Variants in USP25 observed in about 807,000 individuals in gnomAD.
The protein encoded by USP25 is ubiquitin specific peptidase 25, also known as ubiquitin carboxyl-terminal hydrolase 25.
In USP25, 85 loss-of-function variants were observed where a neutral mutation model predicts 158.5. That is an observed-to-expected ratio of 0.54 (90% CI 0.45 to 0.64). The LOEUF (loss-of-function observed/expected upper bound fraction) is 0.64, where lower values mean the gene tolerates loss of function less well. Among genes scored for constraint, USP25 ranks in the 30% least tolerant of loss-of-function variants. The pLI is 0.00. For missense variants in USP25, 1,242 were observed against 1,327.3 expected, an observed-to-expected ratio of 0.94 and a Z score of 1.00; for synonymous variants, 464 against 460.4, an observed-to-expected ratio of 1.01 and a Z score of -0.10.
At chr21:15,750,875 C>T (rs949959673) in intron 1 of USP25, among the ~76,000 whole-genome samples, 9 of 151,106 alleles carry the variant, frequency 6.0e-5, no homozygotes, top group Admixed American at 5.9e-4. Flanking sequence ...GCCTCCGCCT[C>T]CCAAAGTGCT....
chr21:15,758,190 T>C (rs2033508022), intron 1 of USP25, among the ~76,000 whole-genome samples: 1 of 152,196 alleles, frequency 6.6e-6, no homozygotes, highest in East Asian at 1.9e-4. Context: ...CATCCTTCTG[T>C]ACATTAAAGT....
chr21:15,877,676 C>A (rs544765871), intron 24 of USP25, 120 bp from the exon 25 acceptor site: 3 of 699,534 alleles, frequency 4.3e-6, no homozygotes, highest in East Asian at 5.9e-5. Flanking sequence ...CTCTAAATAC[C>A]GTTTGTTCTA....
At chr21:15,731,769 A>C (rs1234447216) in intron 1 of USP25, among the ~76,000 whole-genome samples, 2 of 152,344 alleles carry the variant, frequency 1.3e-5, no homozygotes, top group Non-Finnish European at 2.9e-5. Flanking sequence ...AATTTAAAAG[A>C]GTTTCCTTCC....
In USP25 at chr21:15,766,134, A is replaced by C; in HGVS notation, c.261A>C (p.Ala87=). 20 of 1,588,000 alleles carry C rather than the reference A, an allele frequency of 1.3e-5. No individual in the cohort carries two copies. Among genetic ancestry groups the C allele is most frequent in the Non-Finnish European group, 1.7e-5 (20 of 1,172,170 alleles). ...NDRYISVGSQ[A]DTNVIDLTGD... is the part of the protein sequence containing the mutation. ...GATACATCAGTGTGGGAAGCCAAGC[A>C]GATACAAGTAAGTTTTCTTTCTTTT... The change falls in exon 3 of 26, where the codon GCA becomes GCC. Residue 87 remains alanine, a synonymous_variant. Coordinates refer to ENST00000400183, the MANE Select transcript of USP25 (RefSeq NM_001283041.3). This position sits in a 1 kb window ranked among gnomAD's most constrained non-coding sequence, Gnocchi z 4.0.
chr21:15,867,190 AT>A (rs1017499057), intron 22 of USP25, among the ~76,000 whole-genome samples: 8 of 152,120 alleles, frequency 5.3e-5, no homozygotes, highest in African/African-American at 1.9e-4. Flanking sequence ...ATTTCTTCAC[AT>A]TTTTAAATTT....
intron 4 of USP25, among the ~76,000 whole-genome samples, chr21:15,780,470 C>G (rs1417485975): frequency 6.6e-6 from 1 of 152,156 alleles, no homozygotes; most frequent in East Asian, 1.9e-4. Flanking sequence ...TGGTTTGTGT[C>G]TATGGCATAT....
At chr21:15,750,424 T>G (rs757554452) in intron 1 of USP25, among the ~76,000 whole-genome samples, 1 of 148,676 alleles carries the variant, frequency 6.7e-6, no homozygotes, top group Non-Finnish European at 1.5e-5. Context: ...GAGATGGAGT[T>G]TCACCATATT....
At chr21:15,743,063 C>T (rs977661257) in intron 1 of USP25, among the ~76,000 whole-genome samples, 2 of 152,232 alleles carry the variant, frequency 1.3e-5, no homozygotes, top group East Asian at 1.9e-4. Flanking sequence ...ATGCCACAGC[C>T]CTCTCTTGTT....
chr21:15,830,488 A>T lies in USP25; in HGVS notation c.1694-43A>T, dbSNP rs376398724. 2.8e-5 allele frequency: 42 copies of T among 1,519,660 alleles called. No homozygotes were observed. The African/African-American group carries it at 4.5e-4, about 16-fold the overall frequency. 94.1% of individuals were successfully genotyped at this position (1,519,660 alleles called of 1,614,324 possible). ...ATTAGTCCTTATCTTATAAGTAGAA[A>T]CACATTTGCTGTTAATCATTAAATG... On this transcript the variant is annotated intron_variant, in intron 14 of 25. Transcript: ENST00000400183.
At chr21:15,853,710 G>A (rs559925356) in intron 20 of USP25, among the ~76,000 whole-genome samples, 130 of 151,962 alleles carry the variant, frequency 8.6e-4, no homozygotes, top group African/African-American at 3.0e-3. Flanking sequence ...AAATGAATTT[G>A]GTGTTTTTCT....
At chr21:15,849,962 C>G in intron 20 of USP25, 90 bp downstream of exon 20, 1 of 1,052,994 alleles carries the variant, frequency 9.5e-7, no homozygotes, top group Non-Finnish European at 1.3e-6. Context: ...GTTTGGTTTT[C>G]TGTATAATTT....
At chr21:15,835,860 T>C (rs2038040262) in intron 17 of USP25, among the ~76,000 whole-genome samples, 1 of 152,276 alleles carries the variant, frequency 6.6e-6, no homozygotes, top group East Asian at 1.9e-4. Flanking sequence ...AAAAGATTGG[T>C]TTCTATTACT....
At chr21:15,776,278 A>AT (rs1157605278) in intron 3 of USP25, among the ~76,000 whole-genome samples, 1 of 152,004 alleles carries the variant, frequency 6.6e-6, no homozygotes, top group Non-Finnish European at 1.5e-5. Context: ...ACTTGCCTGT[A>AT]TTTTTGGGGG....
chr21:15,809,010 G>C (rs2036528044), intron 8 of USP25, 125 bp downstream of exon 8: 4 of 655,016 alleles, frequency 6.1e-6, no homozygotes, highest in Non-Finnish European at 9.3e-6. Flanking sequence ...CTGTATTATT[G>C]ACAAGCTGTT....
At chr21:15,787,576 C>T (rs192494702) in intron 4 of USP25, among the ~76,000 whole-genome samples, 125 of 152,152 alleles carry the variant, frequency 8.2e-4, no homozygotes, top group Non-Finnish European at 1.6e-3. Flanking sequence ...TATTTTGAAA[C>T]ATTCGCTGTT....
intron 6 of USP25, among the ~76,000 whole-genome samples, chr21:15,802,402 GTC>G (rs2146259787): frequency 6.6e-6 from 1 of 151,652 alleles, no homozygotes; most frequent in Admixed American, 6.6e-5. Flanking sequence ...GGATTTATAA[GTC>G]TCAGTGCATC....
At chr21:15,745,391 T>G (rs1426974282) in intron 1 of USP25, among the ~76,000 whole-genome samples, 4 of 152,104 alleles carry the variant, frequency 2.6e-5, no homozygotes, top group Non-Finnish European at 5.9e-5. Flanking sequence ...ACAGTTTCTT[T>G]GAAGTTGAAG....
In USP25 at chr21:15,766,016, A is replaced by G. The variant is rs772317554; in HGVS notation, c.143A>G (p.Glu48Gly). The G allele has an allele frequency of 1.2e-6, 2 of 1,606,286 alleles. No homozygotes were observed. Among genetic ancestry groups the G allele is most frequent in the Non-Finnish European group, 1.7e-6 (2 of 1,176,464 alleles). The change falls in exon 3 of 26, where the codon GAA (glutamate) becomes GGA (glycine). Residue 48 changes from glutamate to glycine, a missense_variant. Around this residue, in one of 3 missense-constraint regions of USP25, gnomAD observed 627 missense variants for 701.4 expected, o/e 0.89. Coordinates refer to ENST00000400183, the MANE Select transcript of USP25 (RefSeq NM_001283041.3). This position sits in a 1 kb window ranked among gnomAD's most constrained non-coding sequence, Gnocchi z 4.0. ...TTGAAGGATAGTAATGGAAACTTGG[A>G]ATTAGCAGTGGCTTTCCTTACTGCG... ...QALKDSNGNL[E>G]LAVAFLTAKN...
intron 5 of USP25, 25 bp downstream of exon 5, chr21:15,791,689 C>A: frequency 6.3e-7 from 1 of 1,592,776 alleles, no homozygotes; most frequent in Non-Finnish European, 8.6e-7. Flanking sequence ...TTATTCAGTT[C>A]TTATTTGATG....
Sources: gnomAD v4.1 joint callset for allele counts (sites outside exome capture counted in the v4.1 genomes callset) on GRCh38, gnomAD v4.1.1 for gene constraint, gnomAD v4.1.1 regional missense constraint, Gnocchi (gnomAD v3.1) non-coding constraint, MANE v1.5 for transcripts, NCBI Gene and HGNC (gene_info 2026-07-23, HGNC 2026-07-21) for gene names.